The following PTPRD variants were observed in gnomAD, a reference collection of about 807,000 sequenced individuals.
PTPRD encodes the protein receptor-type tyrosine-protein phosphatase delta.
A neutral mutation model predicts 214.5 loss-of-function variants in PTPRD; 34 were observed. The ratio of observed to expected loss-of-function variants is 0.16; its 90% CI spans 0.12 to 0.21. The LOEUF (loss-of-function observed/expected upper bound fraction) is 0.21, where lower values mean the gene tolerates loss of function less well. PTPRD is among the 10% of genes least tolerant of loss of function. PTPRD has a pLI of 1.00. For synonymous variants in PTPRD, 1,128 were observed against 845.7 expected, an observed-to-expected ratio of 1.33 and a Z score of -5.79; for missense variants, 2,545 against 2,398.7, an observed-to-expected ratio of 1.06 and a Z score of -1.27.
At chr9:8,984,438 A>T (rs2154342540) in intron 11 of PTPRD, among the ~76,000 whole-genome samples, 1 of 152,246 alleles carries the variant, frequency 6.6e-6, no homozygotes, top group African/African-American at 2.4e-5. Context: ...AATATAAAAA[A>T]ATTTAAATTA....
intron 4 of PTPRD, among the ~76,000 whole-genome samples, chr9:9,972,711 A>C (rs953258860): frequency 1.8e-4 from 28 of 152,170 alleles, no homozygotes; most frequent in African/African-American, 6.5e-4. Flanking sequence ...CTGAGGGGAC[A>C]GTCCATTTCC....
chr9:10,001,341 A>G (rs758957826), intron 4 of PTPRD, among the ~76,000 whole-genome samples: 16 of 152,198 alleles, frequency 1.1e-4, no homozygotes, highest in Non-Finnish European at 1.8e-4. Context: ...AGGGGTCCAA[A>G]AGAATATTTG....
chr9:9,390,170 A>G (rs529646911), intron 9 of PTPRD, among the ~76,000 whole-genome samples: 1 of 152,182 alleles, frequency 6.6e-6, no homozygotes, highest in East Asian at 1.9e-4. Flanking sequence ...GACAGCGGGG[A>G]AGCCGGATTA....
chr9:9,868,636 C>T (rs191850271), intron 5 of PTPRD, among the ~76,000 whole-genome samples: 2 of 151,424 alleles, frequency 1.3e-5, no homozygotes, highest in Non-Finnish European at 1.5e-5. Context: ...AATACCCTAA[C>T]GTGCAGTGTA....
chr9:8,532,080 A>C (rs954428731), intron 14 of PTPRD, among the ~76,000 whole-genome samples: 1 of 152,024 alleles, frequency 6.6e-6, no homozygotes, highest in African/African-American at 2.4e-5. Flanking sequence ...ATTTTTAATA[A>C]GGGTAATTAA....
chr9:8,629,143 T>C (rs909028562), intron 14 of PTPRD, among the ~76,000 whole-genome samples: 2 of 151,816 alleles, frequency 1.3e-5, no homozygotes, highest in Non-Finnish European at 2.9e-5. Context: ...TCAAGAAACA[T>C]GATGACATTT....
intron 2 of PTPRD, among the ~76,000 whole-genome samples, chr9:10,400,640 T>G (rs762962877): frequency 6.6e-6 from 1 of 151,600 alleles, no homozygotes; most frequent in Non-Finnish European, 1.5e-5. Context: ...AAAGGATTAG[T>G]AAAAAATTCC....
intron 14 of PTPRD, among the ~76,000 whole-genome samples, chr9:8,602,312 C>T (rs1488151101): frequency 6.6e-6 from 1 of 152,182 alleles, no homozygotes; most frequent in Non-Finnish European, 1.5e-5. Flanking sequence ...ACACCTTCCT[C>T]ATTGCCCAGG....
chr9:9,510,755 G>C (rs1191049115), intron 8 of PTPRD, among the ~76,000 whole-genome samples: 1 of 150,522 alleles, frequency 6.6e-6, no homozygotes, highest in Non-Finnish European at 1.5e-5. Flanking sequence ...ATGCATCCTT[G>C]ATTTACCACC....
At chr9:8,842,944 A>G (rs1281300757) in intron 11 of PTPRD, among the ~76,000 whole-genome samples, 1 of 152,112 alleles carries the variant, frequency 6.6e-6, no homozygotes, top group Non-Finnish European at 1.5e-5. Context: ...AGACAGATCT[A>G]TCTGCTTTGG....
At chr9:9,248,576 T>C (rs973307811) in intron 9 of PTPRD, among the ~76,000 whole-genome samples, 5 of 152,076 alleles carry the variant, frequency 3.3e-5, no homozygotes, top group African/African-American at 1.2e-4. Context: ...AATGATTGTT[T>C]ATATGTCATC....
chr9:9,561,045 C>A (rs1469577338), intron 8 of PTPRD, among the ~76,000 whole-genome samples: 2 of 152,100 alleles, frequency 1.3e-5, no homozygotes, highest in East Asian at 3.9e-4. Context: ...GAGCTGAGCC[C>A]CAAGAGCCAA....
chr9:9,038,008 G>A (rs2099627406), intron 10 of PTPRD, among the ~76,000 whole-genome samples: 1 of 152,022 alleles, frequency 6.6e-6, no homozygotes, highest in Non-Finnish European at 1.5e-5. Flanking sequence ...CACAGAGTTG[G>A]GTAGAAGAGT....
At chr9:9,736,573 C>G (rs998129600) in intron 6 of PTPRD, among the ~76,000 whole-genome samples, 2 of 151,902 alleles carry the variant, frequency 1.3e-5, no homozygotes, top group Non-Finnish European at 2.9e-5. Flanking sequence ...AATAGTGTTA[C>G]GAGAATTGCC....
intron 3 of PTPRD, among the ~76,000 whole-genome samples, chr9:10,296,365 C>G (rs1201941878): frequency 2.0e-5 from 3 of 152,004 alleles, no homozygotes; most frequent in Non-Finnish European, 2.9e-5. Context: ...AAGGACCCCC[C>G]TCACCCAGCC....
At chr9:9,938,676 G>T (rs1342476582) in intron 4 of PTPRD, 66 bp from the exon 5 acceptor site, 1 of 152,058 alleles carries the variant, frequency 6.6e-6, no homozygotes, top group East Asian at 1.9e-4. Flanking sequence ...TATTCATTAT[G>T]TTATCTTTTC....
At chr9:9,894,956 G>A (rs944697053) in intron 5 of PTPRD, among the ~76,000 whole-genome samples, 3 of 151,830 alleles carry the variant, frequency 2.0e-5, no homozygotes, top group Non-Finnish European at 2.9e-5. Flanking sequence ...AAAAATTCTT[G>A]TTTTCTTTAA....
At chr9:9,502,273 T>C (rs1265246319) in intron 8 of PTPRD, among the ~76,000 whole-genome samples, 1 of 151,834 alleles carries the variant, frequency 6.6e-6, no homozygotes, top group African/African-American at 2.4e-5. Flanking sequence ...TCTCCCCCTT[T>C]CTCCCTCTGC....
chr9:9,900,334 T>C (rs2076092115), intron 5 of PTPRD, among the ~76,000 whole-genome samples: 1 of 152,230 alleles, frequency 6.6e-6, no homozygotes, highest in African/African-American at 2.4e-5. Context: ...CTATCAGATA[T>C]GCTAAATAAT....
Sources: allele counts gnomAD v4.1 joint callset (sites outside exome capture counted in the v4.1 genomes callset), GRCh38; gene constraint gnomAD v4.1.1; transcripts MANE v1.5; gene names NCBI Gene and HGNC (gene_info 2026-07-23, HGNC 2026-07-21).